The following BCAS3 variants were observed in gnomAD, a reference collection of about 807,000 sequenced individuals.
BCAS3 encodes BCAS4/BCAS3 fusion.
In BCAS3, 53 loss-of-function variants were observed where a neutral mutation model predicts 116.1. The observed-to-expected ratio is 0.46, with a 90% CI of 0.37 to 0.57. BCAS3 has a LOEUF of 0.57. Among genes scored for constraint, BCAS3 ranks in the 20% least tolerant of loss-of-function variants. The pLI, the probability that BCAS3 is intolerant of heterozygous loss-of-function variation, is 0.00. For synonymous variants in BCAS3, 391 were observed against 408.2 expected (o/e 0.96, Z 0.51); for missense variants, 917 against 1,165.4 (o/e 0.79, Z 3.10).
intron 22 of BCAS3, among the ~76,000 whole-genome samples, chr17:61,335,134 T>C (rs1047454997): frequency 1.3e-5 from 2 of 152,212 alleles, no homozygotes; most frequent in African/African-American, 4.8e-5. Context: ...TCTCACCAAG[T>C]TGACTCAGCA....
chr17:61,303,730 T>C (rs910574335), intron 22 of BCAS3, among the ~76,000 whole-genome samples: 1 of 152,180 alleles, frequency 6.6e-6, no homozygotes, highest in African/African-American at 2.4e-5. Flanking sequence ...ATCCCTTTTG[T>C]TCCCTTACAG....
intron 11 of BCAS3, 99 bp from the exon 12 acceptor site, chr17:60,910,433 A>G: frequency 5.1e-6 from 5 of 977,638 alleles, no homozygotes; most frequent in Non-Finnish European, 7.1e-6. Flanking sequence ...TTGTAAGAGA[A>G]TAAATAACAT....
Position 61,140,034 on chromosome 17 carries a change from G to A in BCAS3, c.2425+55470G>A, listed in dbSNP as rs989604305. On this transcript the variant is annotated intron_variant, in intron 22 of 23. Transcript: ENST00000407086. The surrounding 1 kb of genome is among the most constrained non-coding windows in gnomAD (Gnocchi z 4.2). ...ATAGATCACTTGAGGTCAGGAGTTCGAGGTCAGACTGGCCAATATAGTGAA... is the reference window on the plus strand; with the variant it reads ...ATAGATCACTTGAGGTCAGGAGTTCAAGGTCAGACTGGCCAATATAGTGAA... 1.3e-5 allele frequency among the ~76,000 whole-genome samples: 2 copies of A among 152,052 alleles called. No homozygotes were observed. Among genetic ancestry groups the A allele is most frequent in the Non-Finnish European group, 2.9e-5 (2 of 68,024 alleles).
chr17:61,171,494 G>A lies in BCAS3; in HGVS notation c.2425+86930G>A, dbSNP rs560835428. On this transcript the variant is annotated intron_variant, in intron 22 of 23. Coordinates refer to ENST00000407086, the MANE Select transcript of BCAS3 (RefSeq NM_017679.5). This position sits in a 1 kb window ranked among gnomAD's most constrained non-coding sequence, Gnocchi z 4.1. ...GGTCTAAACACTCAATTAAAAGACA[G>A]GAAATGTAAGATTGGATAAAAAAGG... Among the ~76,000 whole-genome samples, 1 of 152,248 alleles carries A rather than the reference G, an allele frequency of 6.6e-6. No homozygotes were observed. Among genetic ancestry groups the A allele is most frequent in the South Asian group, 2.1e-4 (1 of 4,822 alleles).
chr17:61,087,091 G>C lies in BCAS3; in HGVS notation c.2425+2527G>C, dbSNP rs1350180050. The C allele has an allele frequency of 2.0e-6, 2 of 984,568 alleles. No individual in the cohort carries two copies. Among genetic ancestry groups the C allele is most frequent in the Non-Finnish European group, 2.4e-6 (2 of 829,304 alleles). The allele number at this position is 984,568 out of a possible 1,614,324, so 61.0% of individuals were successfully genotyped here. On this transcript the variant is annotated intron_variant, in intron 22 of 23. Transcript: ENST00000407086. The surrounding 1 kb of genome is among the most constrained non-coding windows in gnomAD (Gnocchi z 4.6). ...ATATTTATGGGAAAATTTTGTTGTAGATTCTTCTGTTAAAAAGAATCTAAT... is the reference window on the plus strand; with the variant it reads ...ATATTTATGGGAAAATTTTGTTGTACATTCTTCTGTTAAAAAGAATCTAAT...
At chr17:61,059,446 A>G (rs2069756305) in intron 19 of BCAS3, among the ~76,000 whole-genome samples, 1 of 152,064 alleles carries the variant, frequency 6.6e-6, no homozygotes, top group African/African-American at 2.4e-5. Context: ...AGATAATATG[A>G]GATAATTGAT....
Position 61,279,178 on chromosome 17 carries a change from C to T in BCAS3, c.2426-89149C>T, listed in dbSNP as rs191694033. 2.9e-3 allele frequency among the ~76,000 whole-genome samples: 441 copies of T among 152,100 alleles called. 3 individuals carry two copies. Among genetic ancestry groups the T allele is most frequent in the African/African-American group, 9.6e-3 (400 of 41,524 alleles). ...GCCAGGCTGGTCTTGAACTCCTGAC[C>T]TCAAGTGATCCGCCCACCTCGGCCT... On this transcript the variant is annotated intron_variant, in intron 22 of 23. Coordinates refer to ENST00000407086, the MANE Select transcript of BCAS3 (RefSeq NM_017679.5). This position sits in a 1 kb window ranked among gnomAD's most constrained non-coding sequence, Gnocchi z 4.4.
In BCAS3 at chr17:61,077,345, G is replaced by A. The variant is rs533322678; in HGVS notation, c.2131-988G>A. Among the ~76,000 whole-genome samples the A allele has an allele frequency of 5.6e-4, 85 of 152,014 alleles. No individual in the cohort carries two copies. Among genetic ancestry groups the A allele is most frequent in the African/African-American group, 1.9e-3 (79 of 41,486 alleles). On this transcript the variant is annotated intron_variant, in intron 20 of 23. Transcript: ENST00000407086. The surrounding 1 kb of genome is among the most constrained non-coding windows in gnomAD (Gnocchi z 4.3). Reference sequence around the variant, plus strand: ...ATCCTGGCTAACACGGTGAAACCCCGTCTCTACTAAAAATACAAAAAATTA... The same window carrying A: ...ATCCTGGCTAACACGGTGAAACCCCATCTCTACTAAAAATACAAAAAATTA...
At chr17:60,941,416 T>C (rs917747707) in intron 13 of BCAS3, among the ~76,000 whole-genome samples, 1 of 152,162 alleles carries the variant, frequency 6.6e-6, no homozygotes, top group South Asian at 2.1e-4. Context: ...TTTAACTTGT[T>C]TTCTAGAAGA....
Position 61,008,941 on chromosome 17 carries a change from T to C in BCAS3, c.1487-6810T>C, listed in dbSNP as rs572272771. Among the ~76,000 whole-genome samples, 3 of 152,108 alleles carry C rather than the reference T, an allele frequency of 2.0e-5. No homozygotes were observed. The highest frequency in any genetic ancestry group is 1.9e-4 in the East Asian group (1 of 5,172). ...GTGGCTCAGTAATCCGATTTCAAAA[T>C]GCAAGAGTTCCAAATAGGAGACCAA... is the stretch of plus-strand genomic sequence containing the variant. On this transcript the variant is annotated intron_variant, in intron 15 of 23. Coordinates refer to ENST00000407086, the MANE Select transcript of BCAS3 (RefSeq NM_017679.5). This position sits in a 1 kb window ranked among gnomAD's most constrained non-coding sequence, Gnocchi z 4.6.
At chr17:61,269,663 G>A (rs956071310) in intron 22 of BCAS3, among the ~76,000 whole-genome samples, 13 of 152,100 alleles carry the variant, frequency 8.5e-5, no homozygotes, top group African/African-American at 2.7e-4. Context: ...GGTGTGAGGT[G>A]ATCTACCATT....
chr17:60,716,873 A>G (rs1383612205), intron 5 of BCAS3, among the ~76,000 whole-genome samples: 1 of 152,300 alleles, frequency 6.6e-6, no homozygotes, highest in East Asian at 1.9e-4. Flanking sequence ...TCTTTCACTC[A>G]GCAAAGATTT....
intron 4 of BCAS3, among the ~76,000 whole-genome samples, chr17:60,693,100 T>A (rs2035084686): frequency 1.3e-5 from 2 of 151,854 alleles, no homozygotes; most frequent in African/African-American, 2.4e-5. Context: ...GATCTTGAAC[T>A]CCTGACCTCA....
chr17:60,687,518 C>T (rs570372142), intron 3 of BCAS3, among the ~76,000 whole-genome samples: 2 of 152,226 alleles, frequency 1.3e-5, no homozygotes, highest in African/African-American at 2.4e-5. Context: ...ATGGGTGGAC[C>T]GTTTGAGCCC....
Position 61,233,696 on chromosome 17 carries a change from G to A in BCAS3, c.2426-134631G>A, listed in dbSNP as rs1568628075. On this transcript the variant is annotated intron_variant, in intron 22 of 23. Transcript: ENST00000407086. This position sits in a 1 kb window ranked among gnomAD's most constrained non-coding sequence, Gnocchi z 4.3. ...TTCTTTTACTTAAAAATGAAAGCATGGATTAGGCTAGCTCTTCGTCAAACC... is the reference window on the plus strand; with the variant it reads ...TTCTTTTACTTAAAAATGAAAGCATAGATTAGGCTAGCTCTTCGTCAAACC... Among the ~76,000 whole-genome samples the A allele has an allele frequency of 6.6e-6, 1 of 152,170 alleles. No homozygotes were observed.
rs936650810 is a variant in BCAS3, at chr17:61,156,215, C to T, written c.2425+71651C>T. On this transcript the variant is annotated intron_variant, in intron 22 of 23. Transcript: ENST00000407086. The surrounding 1 kb of genome is among the most constrained non-coding windows in gnomAD (Gnocchi z 4.7). ...AGTAAAATCTGAGTTGTTACTAAGC[C>T]TAATTCTCTGGTTAAAGTTTGGGTC... Among the ~76,000 whole-genome samples, 2 of 151,634 alleles carry T rather than the reference C, an allele frequency of 1.3e-5. No individual in the cohort carries two copies. Among genetic ancestry groups the T allele is most frequent in the African/African-American group, 4.9e-5 (2 of 41,236 alleles).
intron 14 of BCAS3, among the ~76,000 whole-genome samples, chr17:60,957,889 T>A (rs1385706228): frequency 3.3e-5 from 5 of 152,248 alleles, no homozygotes; most frequent in Admixed American, 6.5e-5. Flanking sequence ...ACAGAGTCAA[T>A]ATTAGGACCT....
intron 13 of BCAS3, among the ~76,000 whole-genome samples, chr17:60,929,776 G>A (rs2059550384): frequency 7.6e-6 from 1 of 132,444 alleles, no homozygotes; most frequent in Admixed American, 9.0e-5. Flanking sequence ...GTGTCCATGT[G>A]TTCTCATTGT....
intron 6 of BCAS3, among the ~76,000 whole-genome samples, chr17:60,803,286 T>C (rs538877584): frequency 2.0e-5 from 3 of 152,330 alleles, no homozygotes; most frequent in Admixed American, 6.5e-5. Context: ...GTAAAGGTCT[T>C]AGCATCGATG....
Sources: allele counts gnomAD v4.1 joint callset (sites outside exome capture counted in the v4.1 genomes callset), GRCh38; gene constraint gnomAD v4.1.1; non-coding constraint Gnocchi (gnomAD v3.1); transcripts MANE v1.5; gene names NCBI Gene and HGNC (gene_info 2026-07-23, HGNC 2026-07-21).